The following LINGO1 variants were observed in gnomAD, a reference collection of about 807,000 sequenced individuals.
The protein encoded by LINGO1 is leucine rich repeat and Ig domain containing 1, also known as leucine-rich repeat and immunoglobulin-like domain-containing nogo receptor-interacting protein 1.
A neutral mutation model predicts 37.3 loss-of-function variants in LINGO1; 11 were observed. That is an observed-to-expected ratio of 0.29 (90% confidence interval 0.19 to 0.49). The LOEUF is 0.49. Among genes scored for constraint, LINGO1 ranks in the 20% least tolerant of loss-of-function variants. The pLI, the probability that LINGO1 is intolerant of heterozygous loss-of-function variation, is 0.99. For missense variants in LINGO1, 585 were observed against 878.2 expected (o/e 0.67, Z 4.22); for synonymous variants, 387 against 403.0 (o/e 0.96, Z 0.48).
chr15:77,655,101 G>A (rs146029804), intron 3 of LINGO1, among the ~76,000 whole-genome samples: 1 of 152,212 alleles, frequency 6.6e-6, no homozygotes, highest in Non-Finnish European at 1.5e-5. Context: ...TGGCAGTCCA[G>A]AGGGTGTCAC....
At position 77,614,040 on chromosome 15, in the gene LINGO1, G is replaced by A. The variant is rs763968720; in HGVS notation, c.*4C>T. Reference sequence around the variant, plus strand: ...CCCGGGGGTCCCTGCCCCCCGCCCCGGCCTCATATCATCTTCATGTTGAAC... The same window carrying A: ...CCCGGGGGTCCCTGCCCCCCGCCCCAGCCTCATATCATCTTCATGTTGAAC... On this transcript the variant is annotated 3_prime_UTR_variant, in exon 2 of 2. Coordinates refer to ENST00000355300, the MANE Select transcript of LINGO1 (RefSeq NM_032808.7). 58 of 1,566,122 alleles carry A rather than the reference G, an allele frequency of 3.7e-5. 1 individual carries two copies. The highest frequency in any genetic ancestry group is 4.6e-5 in the Non-Finnish European group (53 of 1,154,810).
At chr15:77,744,644 A>G (rs1255413200) in intron 1 of LINGO1, among the ~76,000 whole-genome samples, 1 of 152,274 alleles carries the variant, frequency 6.6e-6, no homozygotes, top group African/African-American at 2.4e-5. Context: ...AATCAACACG[A>G]CAAGACTGTG....
chr15:77,771,739 C>A (rs888478021), intron 1 of LINGO1, among the ~76,000 whole-genome samples: 1 of 152,138 alleles, frequency 6.6e-6, no homozygotes, highest in Non-Finnish European at 1.5e-5. Flanking sequence ...GAAGCCTTGG[C>A]CACCCCCCGC....
At chr15:77,791,348 G>T (rs1267284283), upstream of LINGO1, among the ~76,000 whole-genome samples, 9 of 151,620 alleles carry the variant, frequency 5.9e-5, no homozygotes, top group African/African-American at 2.2e-4. Context: ...GGGAACAGGC[G>T]AAAGGCACAC....
intron 1 of LINGO1, among the ~76,000 whole-genome samples, chr15:77,629,642 T>C (rs1189488020): frequency 1.3e-5 from 2 of 152,180 alleles, no homozygotes; most frequent in Non-Finnish European, 1.5e-5. Context: ...CATGCACAGA[T>C]AGTCCTTGCC....
At chr15:77,648,350 A>T (rs2141131173) in intron 3 of LINGO1, 1 of 161,358 alleles carries the variant, frequency 6.2e-6, no homozygotes, top group South Asian at 1.8e-4. Context: ...TAGCCCAGCT[A>T]CTGTCACACA....
chr15:77,698,495 G>A (rs111744749), upstream of LINGO1, among the ~76,000 whole-genome samples: 392 of 152,338 alleles, frequency 2.6e-3, 4 homozygotes, highest in African/African-American at 8.5e-3. Context: ...CCGATGCCCC[G>A]TGTAGTTGGG....
intron 1 of LINGO1, among the ~76,000 whole-genome samples, chr15:77,768,063 C>T (rs1412549689): frequency 6.6e-6 from 1 of 152,240 alleles, no homozygotes; most frequent in Non-Finnish European, 1.5e-5. Flanking sequence ...TGTGACAAAG[C>T]AACACAGTGG....
rs1434162363 is a variant in LINGO1 at position 77,614,349 on chromosome 15, C to T, written c.1558G>A (p.Asp520Asn). The T allele has an allele frequency of 5.6e-6, 9 of 1,613,766 alleles. No individual in the cohort carries two copies. The highest frequency in any genetic ancestry group is 3.3e-5 in the Admixed American group (2 of 60,010). Residue 520 changes from aspartate to asparagine, a missense_variant, in exon 2 of 2, where the codon GAC becomes AAC. Asp to Asn is a conservative substitution (Grantham distance 23). This residue lies in a region of LINGO1 where 484 missense variants were observed against 735.0 expected (regional missense o/e 0.66). Transcript: ENST00000355300. ...GTCTTGTTGGGCTGATGGGGCCAGT[C>T]GGGCGAGTAGCTGCGCACATGCAGG... is the stretch of plus-strand genomic sequence containing the variant. ...AHLHVRSYSP[D>N]WPHQPNKTFA...
intron 2 of LINGO1, among the ~76,000 whole-genome samples, chr15:77,683,387 G>A (rs557589700): frequency 3.3e-5 from 5 of 152,150 alleles, no homozygotes; most frequent in Non-Finnish European, 2.9e-5. Context: ...AAAGGCTTAC[G>A]GGTGTCAGCA....
At chr15:77,626,082 T>C (rs2038195540) in intron 1 of LINGO1, among the ~76,000 whole-genome samples, 1 of 152,076 alleles carries the variant, frequency 6.6e-6, no homozygotes. Context: ...CATAACACCC[T>C]TAGAGACCCT....
chr15:77,666,529 A>G (rs895489561), intron 3 of LINGO1, among the ~76,000 whole-genome samples: 16 of 152,198 alleles, frequency 1.1e-4, no homozygotes, highest in Admixed American at 3.9e-4. Flanking sequence ...GAAGAGATGC[A>G]GGTGAAGGAA....
intron 1 of LINGO1, among the ~76,000 whole-genome samples, chr15:77,777,503 A>ACACC (rs1287019668): frequency 6.8e-6 from 1 of 147,782 alleles, no homozygotes; most frequent in Non-Finnish European, 1.5e-5. Context: ...ACACACACAC[A>ACACC]GCTCAGAACA....
Position 77,815,501 on chromosome 15 carries a change from C to T in LINGO1, c.-458+4757G>A, listed in dbSNP as rs192873581. 3.1e-3 allele frequency among the ~76,000 whole-genome samples: 477 copies of T among 152,362 alleles called. 2 individuals are homozygous for T. Among genetic ancestry groups the T allele is most frequent in the Middle Eastern group, 0.01 (3 of 294 alleles). ...GGTTACAAAATCCCACTCAAACTCA[C>T]TCCAGTTATCCACGGAGACAAACAA... On this transcript the variant is annotated intron_variant, in intron 1 of 5. Transcript: ENST00000562933.
chr15:77,693,738 C>A (rs1485231758), intron 1 of LINGO1, among the ~76,000 whole-genome samples: 2 of 152,092 alleles, frequency 1.3e-5, no homozygotes, highest in Non-Finnish European at 2.9e-5. Flanking sequence ...AGGGAGGAAA[C>A]AGATTCGGGC....
intron 3 of LINGO1, among the ~76,000 whole-genome samples, chr15:77,656,425 G>A (rs985417895): frequency 2.6e-5 from 4 of 152,176 alleles, no homozygotes; most frequent in African/African-American, 9.7e-5. Flanking sequence ...CGCCTGCGAA[G>A]TATGGTTCAG....
intron 1 of LINGO1, among the ~76,000 whole-genome samples, chr15:77,619,741 T>A (rs528794732): frequency 1.1e-4 from 16 of 141,944 alleles, no homozygotes; most frequent in African/African-American, 2.8e-4. Context: ...TAAAATAAAA[T>A]AAAAAAGAAA....
At chr15:77,731,149 A>G (rs1030810659) in intron 2 of LINGO1, among the ~76,000 whole-genome samples, 2 of 152,122 alleles carry the variant, frequency 1.3e-5, no homozygotes, top group African/African-American at 4.8e-5. Context: ...CCTGGCAGGC[A>G]GGCTGGGGTG....
chr15:77,805,359 C>T (rs1362848302), intron 1 of LINGO1, among the ~76,000 whole-genome samples: 2 of 152,186 alleles, frequency 1.3e-5, no homozygotes, highest in Non-Finnish European at 2.9e-5. Context: ...CAGAGACCTT[C>T]CACCCACCCT....
Sources: gnomAD v4.1 joint callset for allele counts (sites outside exome capture counted in the v4.1 genomes callset) on GRCh38, gnomAD v4.1.1 for gene constraint, gnomAD v4.1.1 regional missense constraint, MANE v1.5 for transcripts, NCBI Gene and HGNC (gene_info 2026-07-23, HGNC 2026-07-21) for gene names.